Variants in AGBL1 observed in about 807,000 individuals in gnomAD.
The protein encoded by AGBL1 is AGBL carboxypeptidase 1, also known as cytosolic carboxypeptidase 4.
Under a neutral mutation model 118.9 loss-of-function variants are expected in AGBL1, and 130 were observed. The ratio of observed to expected loss-of-function variants is 1.09; its 90% confidence interval spans 0.95 to 1.26. The LOEUF is 1.26. Among genes scored for constraint, AGBL1 ranks in the 50% most tolerant of loss-of-function variants. The pLI, the probability that AGBL1 is intolerant of heterozygous loss-of-function variation, is 0.00. For missense variants in AGBL1, 1,584 were observed against 1,298.1 expected (o/e 1.22, Z -3.38); for synonymous variants, 555 against 478.9 (o/e 1.16, Z -2.08).
chr15:86,928,097 G>C (rs1169537338), intron 23 of AGBL1, among the ~76,000 whole-genome samples: 2 of 152,200 alleles, frequency 1.3e-5, no homozygotes, highest in South Asian at 2.1e-4. Flanking sequence ...TCAGATCCCT[G>C]TATGGGCCAT....
chr15:86,829,638 C>T (rs932509294), intron 22 of AGBL1, among the ~76,000 whole-genome samples: 2 of 152,166 alleles, frequency 1.3e-5, no homozygotes, highest in African/African-American at 4.8e-5. Flanking sequence ...GGCTTCTGGG[C>T]TTTGAGGAAT....
intron 23 of AGBL1, among the ~76,000 whole-genome samples, chr15:86,952,656 T>C (rs935066333): frequency 1.3e-5 from 2 of 152,186 alleles, no homozygotes; most frequent in Non-Finnish European, 2.9e-5. Flanking sequence ...CTGTTGATAG[T>C]TTCATCTGCT....
intron 1 of AGBL1, among the ~76,000 whole-genome samples, chr15:86,134,694 A>G (rs1452125193): frequency 1.4e-5 from 2 of 140,838 alleles, no homozygotes; most frequent in Non-Finnish European, 3.0e-5. Flanking sequence ...GCTCACTGTA[A>G]CGTCTGCCAC....
chr15:86,692,271 C>T (rs2086185471), intron 22 of AGBL1, among the ~76,000 whole-genome samples: 1 of 151,996 alleles, frequency 6.6e-6, no homozygotes, highest in South Asian at 2.1e-4. Flanking sequence ...TAGCATCAAG[C>T]AGATGGCACA....
chr15:86,584,827 T>C (rs1410289667), intron 21 of AGBL1, among the ~76,000 whole-genome samples: 1 of 152,214 alleles, frequency 6.6e-6, no homozygotes, highest in Non-Finnish European at 1.5e-5. Context: ...TGGAATGTTT[T>C]CCCATTTGTT....
chr15:86,925,890 C>T (rs535406792), intron 23 of AGBL1, among the ~76,000 whole-genome samples: 1 of 151,872 alleles, frequency 6.6e-6, no homozygotes, highest in South Asian at 2.1e-4. Flanking sequence ...GCCACCATGC[C>T]CGGCTAATTT....
At chr15:86,685,759 ATGT>A (rs1293306612) in intron 22 of AGBL1, among the ~76,000 whole-genome samples, 1 of 152,210 alleles carries the variant, frequency 6.6e-6, no homozygotes, top group African/African-American at 2.4e-5. Context: ...AGTGATTCAA[ATGT>A]TGGTCACTGA....
At chr15:86,412,453 A>G (rs1366328751) in intron 18 of AGBL1, among the ~76,000 whole-genome samples, 2 of 152,018 alleles carry the variant, frequency 1.3e-5, no homozygotes, top group Non-Finnish European at 2.9e-5. Flanking sequence ...TTCTTTTTGA[A>G]CCTAAATCTT....
intron 22 of AGBL1, among the ~76,000 whole-genome samples, chr15:86,865,244 G>A (rs1369577603): frequency 6.6e-6 from 1 of 152,204 alleles, no homozygotes; most frequent in Non-Finnish European, 1.5e-5. Flanking sequence ...CTGTGGGAGA[G>A]CTAACTTGCA....
intron 22 of AGBL1, among the ~76,000 whole-genome samples, chr15:86,727,225 G>T (rs1287739547): frequency 6.6e-6 from 1 of 152,092 alleles, no homozygotes; most frequent in African/African-American, 2.4e-5. Flanking sequence ...GAGACATCCT[G>T]CCATACTCAG....
At chr15:86,875,939 T>A (rs1483762292) in intron 22 of AGBL1, among the ~76,000 whole-genome samples, 3 of 152,166 alleles carry the variant, frequency 2.0e-5, no homozygotes, top group African/African-American at 7.2e-5. Context: ...CCATATGGAC[T>A]AGCAGGTACT....
intron 22 of AGBL1, among the ~76,000 whole-genome samples, chr15:86,844,305 G>A (rs1278550393): frequency 6.6e-6 from 1 of 152,114 alleles, no homozygotes; most frequent in African/African-American, 2.4e-5. Flanking sequence ...GTCTTTAAGT[G>A]GCTGTACCTT....
chr15:86,855,205 G>C (rs556464552), intron 22 of AGBL1, among the ~76,000 whole-genome samples: 4 of 152,206 alleles, frequency 2.6e-5, no homozygotes, highest in Non-Finnish European at 4.4e-5. Flanking sequence ...ATTCCACACT[G>C]ATATTTAAAG....
intron 18 of AGBL1, among the ~76,000 whole-genome samples, chr15:86,449,214 C>T (rs6496332): frequency 0.61 from 93,337 of 152,078 alleles, 30,656 homozygotes; most frequent in African/African-American, 0.84. Flanking sequence ...ACGGCCACAA[C>T]AGTGATAACT....
chr15:86,319,743 G>GTTTTTTTTTTTTTTTTT lies in AGBL1; in HGVS notation c.2374+24355_2374+24371dup, dbSNP rs139831044. ...TGTACTTTGTTTTGCCTCTTTGGTA[G>GTTTTTTTTTTTTTTTTT]TTTTTTTTTTTTTTTTTTTTTTTTT... On this transcript the variant is annotated intron_variant, in intron 17 of 22. Transcript: ENST00000614907. Among the ~76,000 whole-genome samples, 5 of 47,254 alleles carry GTTTTTTTTTTTTTTTTT rather than the reference G, an allele frequency of 1.1e-4. 2 individuals carry two copies. The highest frequency in any genetic ancestry group is 1.1e-4 in the Non-Finnish European group (3 of 27,908). 31.0% of individuals were successfully genotyped at this position (47,254 alleles called of 152,430 possible).
chr15:86,311,580 C>T (rs765430194), intron 17 of AGBL1, among the ~76,000 whole-genome samples: 1 of 152,110 alleles, frequency 6.6e-6, no homozygotes, highest in African/African-American at 2.4e-5. Context: ...CCAACCAAAA[C>T]CCGGGTTTTC....
chr15:86,122,555 G>A (rs1898151417), intron 1 of AGBL1, among the ~76,000 whole-genome samples: 1 of 152,190 alleles, frequency 6.6e-6, no homozygotes, highest in South Asian at 2.1e-4. Flanking sequence ...GTTTATCACT[G>A]ACCCTGGATA....
At chr15:86,457,966 A>G (rs8037973) in intron 18 of AGBL1, among the ~76,000 whole-genome samples, 27,694 of 152,124 alleles carry the variant, frequency 0.18, 3,203 homozygotes, top group African/African-American at 0.32. Context: ...GTAGTCTGGT[A>G]TAAAAGGAAG....
At chr15:86,838,775 A>C (rs1333952893) in intron 22 of AGBL1, among the ~76,000 whole-genome samples, 2 of 151,428 alleles carry the variant, frequency 1.3e-5, no homozygotes, top group East Asian at 3.9e-4. Flanking sequence ...CCTCATCCCT[A>C]CAAAAAAAAA....
Sources: allele counts gnomAD v4.1 joint callset (sites outside exome capture counted in the v4.1 genomes callset), GRCh38; gene constraint gnomAD v4.1.1; transcripts MANE v1.5; gene names NCBI Gene and HGNC (gene_info 2026-07-23, HGNC 2026-07-21).